Variants in PPP1R9A observed in about 807,000 individuals in gnomAD.
PPP1R9A encodes the protein neurabin-1.
Under a neutral mutation model 141.9 loss-of-function variants are expected in PPP1R9A, and 59 were observed. That is an observed-to-expected ratio of 0.42 (90% CI 0.34 to 0.52). The LOEUF is 0.52. Ranked by LOEUF, PPP1R9A falls within the 20% of genes least tolerant of loss-of-function variation. The pLI, the probability that PPP1R9A is intolerant of heterozygous loss-of-function variation, is 0.10. For missense variants in PPP1R9A, 1,444 were observed against 1,611.9 expected (o/e 0.90, Z 1.78); for synonymous variants, 500 against 569.7 (o/e 0.88, Z 1.74).
chr7:95,044,159 A>AG (rs1358794813), intron 2 of PPP1R9A, among the ~76,000 whole-genome samples: 4 of 152,136 alleles, frequency 2.6e-5, no homozygotes, highest in Non-Finnish European at 5.9e-5. Context: ...TTATTTCTGG[A>AG]GGGGGTCTGC....
At chr7:95,105,704 G>A (rs962988473) in intron 2 of PPP1R9A, among the ~76,000 whole-genome samples, 16 of 152,040 alleles carry the variant, frequency 1.1e-4, no homozygotes, top group Non-Finnish European at 2.4e-4. Flanking sequence ...TTTTTGTAGA[G>A]CAATTAAGGT....
intron 7 of PPP1R9A, among the ~76,000 whole-genome samples, chr7:95,211,154 A>G (rs894588560): frequency 1.3e-5 from 2 of 151,444 alleles, no homozygotes; most frequent in African/African-American, 4.9e-5. Context: ...AAAAAAAAAA[A>G]AACATTAAAA....
intron 8 of PPP1R9A, among the ~76,000 whole-genome samples, chr7:95,242,174 A>G (rs902605291): frequency 3.9e-5 from 6 of 152,208 alleles, no homozygotes; most frequent in Non-Finnish European, 7.4e-5. Flanking sequence ...TAACACCAAA[A>G]TGTAGTTAAA....
At chr7:95,166,911 AC>A (rs1831353137) in intron 5 of PPP1R9A, among the ~76,000 whole-genome samples, 1 of 152,288 alleles carries the variant, frequency 6.6e-6, no homozygotes, top group Admixed American at 6.5e-5. Context: ...AAGGACAAAA[AC>A]CATATGATCA....
chr7:94,976,752 T>G (rs1799495592), intron 2 of PPP1R9A, among the ~76,000 whole-genome samples: 1 of 152,200 alleles, frequency 6.6e-6, no homozygotes, highest in Non-Finnish European at 1.5e-5. Flanking sequence ...GGCTGTTATT[T>G]TGAATGGAAT....
At position 95,250,012 on chromosome 7, in the gene PPP1R9A, T is replaced by A; in HGVS notation, c.2167-14T>A. The A allele has an allele frequency of 6.3e-7, 1 of 1,577,304 alleles. No homozygotes were observed. Among genetic ancestry groups the A allele is most frequent in the Non-Finnish European group, 8.6e-7 (1 of 1,164,884 alleles). ...TGGCCAAATTATCTTTGCCTTGACG[T>A]TTGCTTTCTCCAGCTGCAGGCAGCA... On this transcript the variant is annotated splice_polypyrimidine_tract_variant and intron_variant, in intron 9 of 19. Transcript: ENST00000433360.
intron 2 of PPP1R9A, among the ~76,000 whole-genome samples, chr7:94,986,771 AAGAAAT>A (rs1270367421): frequency 6.6e-6 from 1 of 152,244 alleles, no homozygotes; most frequent in Non-Finnish European, 1.5e-5. Flanking sequence ...AAAAGGGAAA[AAGAAAT>A]AGATTTATGA....
intron 2 of PPP1R9A, among the ~76,000 whole-genome samples, chr7:94,921,477 A>G (rs773454875): frequency 1.4e-4 from 21 of 151,466 alleles, no homozygotes; most frequent in Admixed American, 2.6e-4. Context: ...GTTTTTGAGT[A>G]GTGTTATTTT....
intron 2 of PPP1R9A, among the ~76,000 whole-genome samples, chr7:95,062,575 A>G (rs748575125): frequency 2.0e-5 from 3 of 151,548 alleles, no homozygotes; most frequent in Non-Finnish European, 4.4e-5. Flanking sequence ...TTTAGTAGAG[A>G]TGGGGTTTTG....
intron 8 of PPP1R9A, among the ~76,000 whole-genome samples, chr7:95,234,081 G>GT (rs1796346311): frequency 6.6e-6 from 1 of 152,080 alleles, no homozygotes; most frequent in Admixed American, 6.6e-5. Context: ...ATTATACTGA[G>GT]TGGGGATAAG....
At chr7:95,290,041 G>T in intron 19 of PPP1R9A, 50 bp from the exon 20 acceptor site, 1 of 1,603,406 alleles carries the variant, frequency 6.2e-7, no homozygotes, top group South Asian at 1.1e-5. Context: ...AACACCATCA[G>T]AGGGCTCATT....
intron 2 of PPP1R9A, among the ~76,000 whole-genome samples, chr7:95,021,593 A>G (rs1205343830): frequency 6.6e-6 from 1 of 152,004 alleles, no homozygotes; most frequent in Non-Finnish European, 1.5e-5. Context: ...TAGGGTTTTT[A>G]TGGTTTTAGG....
At chr7:94,937,436 GTTTTAA>G (rs1794891107) in intron 2 of PPP1R9A, among the ~76,000 whole-genome samples, 1 of 152,148 alleles carries the variant, frequency 6.6e-6, no homozygotes, top group Non-Finnish European at 1.5e-5. Context: ...AATATCCAAT[GTTTTAA>G]TTTTAAAGTC....
intron 5 of PPP1R9A, among the ~76,000 whole-genome samples, chr7:95,178,688 G>A (rs185613396): frequency 0.01 from 1,533 of 152,020 alleles, 26 homozygotes; most frequent in African/African-American, 0.035. Context: ...GAAACAAAAC[G>A]GGAGCTATTA....
intron 4 of PPP1R9A, among the ~76,000 whole-genome samples, chr7:95,136,612 G>A (rs73220017): frequency 0.12 from 18,088 of 152,086 alleles, 1,190 homozygotes; most frequent in East Asian, 0.18. Flanking sequence ...AAAGAGAATG[G>A]CATATACATA....
At chr7:95,063,099 C>A (rs1035080151) in intron 2 of PPP1R9A, among the ~76,000 whole-genome samples, 5 of 152,162 alleles carry the variant, frequency 3.3e-5, no homozygotes, top group African/African-American at 1.2e-4. Context: ...GATTTCTTGG[C>A]AGGGAATTGG....
At chr7:95,075,663 G>A (rs756781221) in intron 2 of PPP1R9A, among the ~76,000 whole-genome samples, 30 of 152,012 alleles carry the variant, frequency 2.0e-4, no homozygotes, top group African/African-American at 4.1e-4. Flanking sequence ...GTGAAACCCC[G>A]TCTCTACTAA....
chr7:95,128,573 G>T (rs559053397), intron 4 of PPP1R9A, among the ~76,000 whole-genome samples: 1 of 148,768 alleles, frequency 6.7e-6, no homozygotes, highest in Non-Finnish European at 1.5e-5. Context: ...CTGTTCGTTT[G>T]TTTGTTTGTT....
At chr7:95,057,108 A>G (rs774994352) in intron 2 of PPP1R9A, among the ~76,000 whole-genome samples, 3 of 152,096 alleles carry the variant, frequency 2.0e-5, no homozygotes, top group Admixed American at 6.6e-5. Flanking sequence ...ATTAGGGAAT[A>G]TGTTTGGCTT....
Sources: gnomAD v4.1 joint callset for allele counts (sites outside exome capture counted in the v4.1 genomes callset) on GRCh38, gnomAD v4.1.1 for gene constraint, MANE v1.5 for transcripts, NCBI Gene and HGNC (gene_info 2026-07-23, HGNC 2026-07-21) for gene names.